MCTP1: variants seen among roughly 807,000 people sequenced by gnomAD.
MCTP1 encodes multiple C2 and transmembrane domain-containing protein 1.
In MCTP1, 69 loss-of-function variants were observed where a neutral mutation model predicts 120.6. The observed-to-expected ratio is 0.57, with a 90% CI of 0.47 to 0.70. The LOEUF is 0.70. MCTP1 is among the 30% of genes least tolerant of loss of function. The pLI, the probability that MCTP1 is intolerant of heterozygous loss-of-function variation, is 0.00. For synonymous variants in MCTP1, 529 were observed against 493.1 expected (o/e 1.07, Z -0.96); for missense variants, 1,203 against 1,248.8 (o/e 0.96, Z 0.55).
At chr5:95,172,889 C>T (rs188875733) in intron 1 of MCTP1, among the ~76,000 whole-genome samples, 2 of 152,212 alleles carry the variant, frequency 1.3e-5, no homozygotes, top group African/African-American at 2.4e-5. Context: ...AATAAACACC[C>T]TAGAGCTTAA....
rs1836223668 is a variant in MCTP1, at chr5:95,012,550, A to G, written c.838+4817T>C. Among the ~76,000 whole-genome samples the G allele has an allele frequency of 3.9e-5, 6 of 152,244 alleles. No individual in the cohort carries two copies. The South Asian group carries it at 1.2e-3, about 32-fold the overall frequency. On this transcript the variant is annotated intron_variant, in intron 2 of 22. Coordinates refer to ENST00000515393, the MANE Select transcript of MCTP1 (RefSeq NM_024717.7). Reference sequence around the variant, plus strand: ...CTATCAGCACCATTTTTCAAACAGCATATGCTCACTTCATGTCTCTGTCAC... The same window carrying G: ...CTATCAGCACCATTTTTCAAACAGCGTATGCTCACTTCATGTCTCTGTCAC...
chr5:95,269,199 T>G (rs1562291515), intron 1 of MCTP1, among the ~76,000 whole-genome samples: 1 of 152,044 alleles, frequency 6.6e-6, no homozygotes. Flanking sequence ...ATTATTATTA[T>G]TAAGAAACAT....
chr5:94,977,695 G>T (rs907136454), intron 2 of MCTP1, among the ~76,000 whole-genome samples: 2 of 152,032 alleles, frequency 1.3e-5, no homozygotes, highest in African/African-American at 4.8e-5. Flanking sequence ...AAGGGTGCCA[G>T]GAATACAAAA....
chr5:94,796,579 ATACACACACACACACACATATATAT>A (rs1780064826), intron 18 of MCTP1, among the ~76,000 whole-genome samples: 1 of 140,208 alleles, frequency 7.1e-6, no homozygotes, highest in African/African-American at 2.7e-5. Context: ...GTGTATCCAC[ATACACACACACACACACATATATAT>A]AATATATATA....
chr5:94,749,631 G>T, intron 19 of MCTP1, among the ~76,000 whole-genome samples: 1 of 128,652 alleles, frequency 7.8e-6, no homozygotes. Flanking sequence ...CTCCAGCCTG[G>T]GTGACAGAGC....
At chr5:94,799,865 C>G (rs1346748869) in intron 17 of MCTP1, among the ~76,000 whole-genome samples, 1 of 152,112 alleles carries the variant, frequency 6.6e-6, no homozygotes, top group Non-Finnish European at 1.5e-5. Flanking sequence ...TCTAAGAACA[C>G]TTACATTATA....
At chr5:94,881,868 T>C (rs1420003743) in intron 12 of MCTP1, among the ~76,000 whole-genome samples, 3 of 152,180 alleles carry the variant, frequency 2.0e-5, no homozygotes, top group Non-Finnish European at 4.4e-5. Flanking sequence ...ATATACCAGT[T>C]GAAAATATAT....
chr5:94,777,709 G>A (rs533095379), intron 19 of MCTP1, among the ~76,000 whole-genome samples: 3 of 152,218 alleles, frequency 2.0e-5, no homozygotes, highest in Admixed American at 1.3e-4. Flanking sequence ...CTCTACAACT[G>A]ACCTTAGCAA....
At chr5:94,940,063 C>CT in intron 5 of MCTP1, 21 bp downstream of exon 5, 1 of 1,416,212 alleles carries the variant, frequency 7.1e-7, no homozygotes, top group Non-Finnish European at 9.9e-7. Flanking sequence ...AGAGCTCCTA[C>CT]TAGGCTGTGG....
At chr5:95,132,510 T>G (rs184946278) in intron 1 of MCTP1, among the ~76,000 whole-genome samples, 6 of 152,344 alleles carry the variant, frequency 3.9e-5, no homozygotes, top group African/African-American at 1.4e-4. Context: ...ATAGAATTCC[T>G]ATGTGCAGAA....
chr5:95,086,013 A>T (rs934353204), intron 1 of MCTP1, among the ~76,000 whole-genome samples: 3 of 151,660 alleles, frequency 2.0e-5, no homozygotes, highest in Non-Finnish European at 2.9e-5. Flanking sequence ...GTATTTTTTT[A>T]CTATTGTTTA....
At chr5:95,099,031 C>A (rs2152362523) in intron 1 of MCTP1, among the ~76,000 whole-genome samples, 1 of 151,620 alleles carries the variant, frequency 6.6e-6, no homozygotes, top group East Asian at 1.9e-4. Flanking sequence ...AAAGGATTCC[C>A]TATTTAATAA....
intron 14 of MCTP1, 63 bp downstream of exon 14, chr5:94,871,252 C>CTTT: frequency 1.3e-5 from 11 of 867,322 alleles, no homozygotes; most frequent in South Asian, 3.2e-5. Flanking sequence ...GTTTTCTTTT[C>CTTT]TTTTTTTTTT....
intron 2 of MCTP1, among the ~76,000 whole-genome samples, chr5:94,961,120 T>A (rs904094914): frequency 6.6e-6 from 1 of 152,012 alleles, no homozygotes; most frequent in Non-Finnish European, 1.5e-5. Flanking sequence ...ATGTCCTTTG[T>A]AGGGACATGG....
intron 19 of MCTP1, among the ~76,000 whole-genome samples, chr5:94,724,006 TTGAC>T (rs1281470429): frequency 4.6e-5 from 7 of 151,946 alleles, no homozygotes; most frequent in African/African-American, 1.5e-4. Flanking sequence ...GACTGAGAAG[TTGAC>T]TGACTATGAG....
intron 18 of MCTP1, among the ~76,000 whole-genome samples, chr5:94,780,716 T>G (rs1273020945): frequency 6.6e-6 from 1 of 152,150 alleles, no homozygotes; most frequent in Non-Finnish European, 1.5e-5. Context: ...ATTCAGCTAC[T>G]CCATAGCATT....
chr5:95,067,490 C>G (rs955638993), intron 1 of MCTP1, among the ~76,000 whole-genome samples: 3 of 151,854 alleles, frequency 2.0e-5, no homozygotes, highest in African/African-American at 7.3e-5. Context: ...CATAGATTGT[C>G]TCTATAGAAA....
At chr5:95,049,905 T>C (rs762780098) in intron 1 of MCTP1, among the ~76,000 whole-genome samples, 8 of 152,000 alleles carry the variant, frequency 5.3e-5, no homozygotes, top group Non-Finnish European at 1.0e-4. Context: ...CAAAACCCAA[T>C]TAAATATGTT....
rs573851009 is a variant in MCTP1 at position 94,788,986 on chromosome 5, T to G, written c.2557-9823A>C. ...GGATTTGAGGGGTTTAGGAAGCTGG[T>G]TTTTCAGTGACTCTCTGGGGCTCCA... On this transcript the variant is annotated intron_variant, in intron 18 of 22. Coordinates refer to ENST00000515393, the MANE Select transcript of MCTP1 (RefSeq NM_024717.7). 3.3e-5 allele frequency: 5 copies of G among 152,296 alleles called. No homozygotes were observed. In the South Asian group the frequency reaches 1.0e-3, roughly 32 times the overall value. 9.4% of individuals were successfully genotyped at this position (152,296 alleles called of 1,614,324 possible).
Sources: allele counts gnomAD v4.1 joint callset (sites outside exome capture counted in the v4.1 genomes callset), GRCh38; gene constraint gnomAD v4.1.1; transcripts MANE v1.5; gene names NCBI Gene and HGNC (gene_info 2026-07-23, HGNC 2026-07-21).